The following MXD1 variants were observed in gnomAD, a reference collection of about 807,000 sequenced individuals.
MXD1 encodes the protein MAX-binding protein.
In MXD1, 9 loss-of-function variants were observed where a neutral mutation model predicts 25.7. The observed-to-expected ratio is 0.35, with a 90% CI of 0.21 to 0.61. The LOEUF (loss-of-function observed/expected upper bound fraction) is 0.61, where lower values mean the gene tolerates loss of function less well. Among genes scored for constraint, MXD1 ranks in the 20% least tolerant of loss-of-function variants. MXD1 has a pLI of 0.75. For missense variants in MXD1, 227 were observed against 292.4 expected (o/e 0.78, Z 1.63); for synonymous variants, 99 against 113.9 (o/e 0.87, Z 0.83).
chr2:69,916,286 T>C, intron 2 of MXD1, 66 bp downstream of exon 2: 1 of 961,512 alleles, frequency 1.0e-6, no homozygotes, highest in South Asian at 1.4e-5. Flanking sequence ...CTGCTGAATG[T>C]AAGTTTTCTG....
intron 3 of MXD1, among the ~76,000 whole-genome samples, chr2:69,924,865 G>A (rs932877573): frequency 1.3e-5 from 2 of 152,156 alleles, no homozygotes; most frequent in South Asian, 2.1e-4. Flanking sequence ...TTTCTTGAAT[G>A]GAAACCTTTT....
Position 69,938,283 on chromosome 2 carries a change from A to G in MXD1, c.665A>G (p.Ter222=), listed in dbSNP as rs113008231. The change falls in exon 6 of 6, where the codon TAA becomes TGA. Residue 222 remains the stop codon, a stop_retained_variant. Transcript: ENST00000264444. ...QDSHKACLGL[*] The stretch of plus-strand genomic sequence containing the variant: ...AGTCACAAGGCGTGTCTTGGTCTCT[A>G]AGAGAGTGGGCACTGCGGCTGTCTC... 3.1e-6 allele frequency: 5 copies of G among 1,613,940 alleles called. 1 individual carries two copies. In the South Asian group the frequency reaches 4.4e-5, roughly 14 times the overall value.
intron 4 of MXD1, among the ~76,000 whole-genome samples, chr2:69,935,978 G>C (rs1421218872): frequency 6.6e-6 from 1 of 152,030 alleles, no homozygotes; most frequent in Admixed American, 6.6e-5. Context: ...TGCCTTGCCT[G>C]GTCCTCACTT....
rs886293952 is a variant in MXD1 at position 69,915,973 on chromosome 2, C to A, written c.74-148C>A. 9.3e-6 allele frequency: 6 copies of A among 646,276 alleles called. No individual in the cohort carries two copies. The highest frequency in any genetic ancestry group is 7.1e-5 in the South Asian group (4 of 56,258). The allele number at this position is 646,276 out of a possible 1,614,324, so 40.0% of individuals were successfully genotyped here. A position where few individuals can be genotyped will look rare whatever the true frequency, so the allele number is the denominator to read the frequency against. Reference sequence around the variant, plus strand: ...ATATTCACACAATTTTTTTTTAAATCATTGTTCTCAGAATTCCACCTTACT... The same window carrying A: ...ATATTCACACAATTTTTTTTTAAATAATTGTTCTCAGAATTCCACCTTACT... On this transcript the variant is annotated intron_variant, in intron 1 of 5. Transcript: ENST00000264444. This position sits in a 1 kb window ranked among gnomAD's most constrained non-coding sequence, Gnocchi z 5.8.
At chr2:69,918,996 G>A (rs1189821632) in intron 2 of MXD1, among the ~76,000 whole-genome samples, 2 of 152,082 alleles carry the variant, frequency 1.3e-5, no homozygotes, top group African/African-American at 2.4e-5. Flanking sequence ...TTAAGTACAA[G>A]TCCCCCTTTA....
intron 3 of MXD1, among the ~76,000 whole-genome samples, chr2:69,927,261 G>A (rs1353710947): frequency 1.3e-5 from 2 of 152,160 alleles, no homozygotes; most frequent in Admixed American, 6.5e-5. Context: ...CTTTTGCACT[G>A]GGCCTGAGTT....
At chr2:69,936,876 G>C in intron 4 of MXD1, 1 of 435,276 alleles carries the variant, frequency 2.3e-6, no homozygotes, top group Non-Finnish European at 4.7e-6. Context: ...CAGTTTTCTA[G>C]TCCGGAGATC....
intron 2 of MXD1, 92 bp from the exon 3 acceptor site, chr2:69,921,644 G>A (rs927540743): frequency 8.3e-7 from 1 of 1,207,434 alleles, no homozygotes; most frequent in African/African-American, 1.5e-5. Flanking sequence ...TATCAACTTT[G>A]GAGAGAAAGA....
At chr2:69,927,070 G>A (rs1270214275) in intron 3 of MXD1, among the ~76,000 whole-genome samples, 1 of 152,212 alleles carries the variant, frequency 6.6e-6, no homozygotes, top group Non-Finnish European at 1.5e-5. Context: ...CCCAATCTAA[G>A]CTGTTATTTC....
intron 3 of MXD1, among the ~76,000 whole-genome samples, chr2:69,925,825 T>C (rs4853167): frequency 0.036 from 5,456 of 152,292 alleles, 470 homozygotes; most frequent in Admixed American, 0.2. Flanking sequence ...GAATTGGTGG[T>C]GAACACGTTT....
At chr2:69,921,666 T>G in intron 2 of MXD1, 70 bp from the exon 3 acceptor site, 2 of 1,388,948 alleles carry the variant, frequency 1.4e-6, no homozygotes, top group Non-Finnish European at 2.0e-6. Flanking sequence ...GTTAAAAGAA[T>G]TGTGTTGGTG....
chr2:69,935,330 A>G (rs1247247180), intron 3 of MXD1, 21 bp from the exon 4 acceptor site: 2 of 1,564,532 alleles, frequency 1.3e-6, no homozygotes, highest in Non-Finnish European at 1.8e-6. Flanking sequence ...CTCAAATGCT[A>G]CTGTGGTCTT....
chr2:69,932,779 T>A (rs1677322213), intron 3 of MXD1, among the ~76,000 whole-genome samples: 1 of 152,180 alleles, frequency 6.6e-6, no homozygotes, highest in African/African-American at 2.4e-5. Flanking sequence ...CCTAAAAAAA[T>A]TCACACACTC....
In MXD1 at chr2:69,938,307, T is replaced by C; in HGVS notation, c.*23T>C. The C allele has an allele frequency of 1.2e-6, 2 of 1,610,514 alleles. No individual in the cohort carries two copies. The highest frequency in any genetic ancestry group is 2.2e-5 in the South Asian group (2 of 90,776). The stretch of plus-strand genomic sequence containing the variant: ...TAAGAGAGTGGGCACTGCGGCTGTC[T>C]CCTTGAAGGTTCTCCCTGTTGGTTC... On this transcript the variant is annotated 3_prime_UTR_variant, in exon 6 of 6. Coordinates refer to ENST00000264444, the MANE Select transcript of MXD1 (RefSeq NM_002357.4).
chr2:69,938,027 A>G (rs754674452), intron 5 of MXD1, 70 bp from the exon 6 acceptor site: 20 of 1,472,392 alleles, frequency 1.4e-5, no homozygotes, highest in Admixed American at 1.9e-5. Context: ...GATTACAAGC[A>G]TGAGCCACCA....
intron 4 of MXD1, among the ~76,000 whole-genome samples, chr2:69,935,862 A>G (rs777544458): frequency 2.6e-5 from 4 of 152,210 alleles, no homozygotes; most frequent in Middle Eastern, 3.4e-3. Context: ...TCTGCTTTCC[A>G]TGCTTCCTGA....
chr2:69,922,769 A>T (rs1677090005), intron 3 of MXD1, among the ~76,000 whole-genome samples: 1 of 151,880 alleles, frequency 6.6e-6, no homozygotes, highest in Admixed American at 6.6e-5. Flanking sequence ...AATCCCAGCT[A>T]CTTGGGAGGC....
chr2:69,917,895 C>T (rs560147785), intron 2 of MXD1, among the ~76,000 whole-genome samples: 29 of 150,862 alleles, frequency 1.9e-4, no homozygotes, highest in African/African-American at 7.1e-4. Flanking sequence ...TGGTTAGAGA[C>T]GGGATTATCA....
In MXD1 at chr2:69,942,021, T is replaced by C. The variant is rs1677617013; in HGVS notation, c.*3737T>C. On this transcript the variant is annotated 3_prime_UTR_variant, in exon 6 of 6. Coordinates refer to ENST00000264444, the MANE Select transcript of MXD1 (RefSeq NM_002357.4). The stretch of plus-strand genomic sequence containing the variant: ...TTTTCATGAACCACACAGGAGACTT[T>C]AACATCCTGGTCTTTTCTGTTTCTT... 1 of 152,222 alleles carries C rather than the reference T, an allele frequency of 6.6e-6. No individual in the cohort carries two copies. The highest frequency in any genetic ancestry group is 2.4e-5 in the African/African-American group (1 of 41,460). 9.4% of individuals were successfully genotyped at this position (152,222 alleles called of 1,614,324 possible). A position where few individuals can be genotyped will look rare whatever the true frequency, so the allele number is the denominator to read the frequency against.
Sources: allele counts gnomAD v4.1 joint callset (sites outside exome capture counted in the v4.1 genomes callset), GRCh38; gene constraint gnomAD v4.1.1; non-coding constraint Gnocchi (gnomAD v3.1); transcripts MANE v1.5; gene names NCBI Gene and HGNC (gene_info 2026-07-23, HGNC 2026-07-21).